Variants in GJA5 observed in about 807,000 individuals in gnomAD.
GJA5 encodes the protein gap junction alpha-5 protein.
GJA5 carries 3 observed loss-of-function variants against 7.9 expected under a neutral mutation model. The observed-to-expected ratio is 0.38, with a 90% CI of 0.17 to 0.99. The LOEUF (loss-of-function observed/expected upper bound fraction) is 0.99, where lower values mean the gene tolerates loss of function less well. Ranked by LOEUF, GJA5 falls within the 50% of genes least tolerant of loss-of-function variation. The pLI, the probability that GJA5 is intolerant of heterozygous loss-of-function variation, is 0.38. For synonymous variants in GJA5, 193 were observed against 181.0 expected (o/e 1.07, Z -0.53); for missense variants, 390 against 457.9 (o/e 0.85, Z 1.35).
intron 1 of GJA5, among the ~76,000 whole-genome samples, chr1:147,760,220 G>A (rs1237529455): frequency 1.3e-5 from 2 of 152,084 alleles, no homozygotes; most frequent in Non-Finnish European, 2.9e-5. Flanking sequence ...CTTATGTCCA[G>A]AATAAATGTC....
At chr1:147,770,036 G>A (rs791291) in intron 1 of GJA5, among the ~76,000 whole-genome samples, 3,107 of 152,052 alleles carry the variant, frequency 0.02, 137 homozygotes, top group East Asian at 0.2. Context: ...CTACTTGGAA[G>A]AGAAAGAGGG....
chr1:147,758,450 T>C lies in GJA5; in HGVS notation c.789A>G (p.Pro263=), dbSNP rs1553226857. The change falls in exon 2 of 2, where the codon CCA becomes CCG. Residue 263 remains proline (P), a synonymous_variant. Transcript: ENST00000579774. ...CCAGGCACTGATTAAAGTCGGGGGG[T>C]GGTGTGCAGCTCTGGACTATGCCCA... The part of the protein sequence containing the change: ...PSVGIVQSCT[P]PPDFNQCLEN... 2 of 1,613,844 alleles carry C rather than the reference T, an allele frequency of 1.2e-6. No homozygotes were observed.
intron 1 of GJA5, among the ~76,000 whole-genome samples, chr1:147,771,230 G>A (rs1044888789): frequency 6.6e-6 from 1 of 152,210 alleles, no homozygotes; most frequent in African/African-American, 2.4e-5. Flanking sequence ...TGTAGACGAT[G>A]AAGAGCAGGT....
Position 147,767,037 on chromosome 1 carries a change from C to T in GJA5, c.-34+6215G>A, listed in dbSNP as rs191540021. ...TTATAAAGCAAAGCACCAAGCATAA[C>T]CTTTATGTCAGAAGTCTTTTGTACC... On this transcript the variant is annotated intron_variant, in intron 1 of 1. Transcript: ENST00000430508. Among the ~76,000 whole-genome samples, 381 of 152,276 alleles carry T rather than the reference C, an allele frequency of 2.5e-3. 3 individuals carry two copies. Among genetic ancestry groups the T allele is most frequent in the South Asian group, 0.02 (94 of 4,820 alleles).
In GJA5 at chr1:147,757,941, G is replaced by C. The variant is rs782464793; in HGVS notation, c.*221C>G. 3.1e-5 allele frequency: 18 copies of C among 588,744 alleles called. No individual in the cohort carries two copies. Among genetic ancestry groups the C allele is most frequent in the Non-Finnish European group, 5.1e-5 (17 of 331,022 alleles). 36.5% of individuals were successfully genotyped at this position (588,744 alleles called of 1,614,324 possible). ...TGAAAGGCTTCGTATACTGGGTAGA[G>C]GGTGGGGAGGGAACTGCAGTCTGGG... On this transcript the variant is annotated 3_prime_UTR_variant, in exon 2 of 2. Transcript: ENST00000579774.
intron 1 of GJA5, among the ~76,000 whole-genome samples, chr1:147,770,685 A>AC (rs1664363927): frequency 6.6e-6 from 1 of 152,056 alleles, no homozygotes; most frequent in African/African-American, 2.4e-5. Flanking sequence ...CTTCGGCCCT[A>AC]CCCCTCAATT....
chr1:147,772,778 T>G (rs1664458481), intron 1 of GJA5, among the ~76,000 whole-genome samples: 3 of 100,362 alleles, frequency 3.0e-5, no homozygotes, highest in South Asian at 4.0e-4. Flanking sequence ...CCATCCAACA[T>G]GCCTTAGGGA....
chr1:147,761,330 T>C (rs587723559), upstream of GJA5, among the ~76,000 whole-genome samples: 16 of 152,338 alleles, frequency 1.1e-4, no homozygotes, highest in Non-Finnish European at 1.5e-4. Context: ...TCCTGGTTTC[T>C]GTCTGAACAT....
chr1:147,771,867 G>A (rs998410783), intron 1 of GJA5, among the ~76,000 whole-genome samples: 6 of 152,192 alleles, frequency 3.9e-5, no homozygotes, highest in African/African-American at 1.4e-4. Flanking sequence ...CGGGCAACTT[G>A]GCAGGAAGGT....
rs201657244 is a variant in GJA5 at position 147,758,174 on chromosome 1, G to T, written c.1065C>A (p.Asp355Glu). 1 of 1,610,294 alleles carries T rather than the reference G, an allele frequency of 6.2e-7. No homozygotes were observed. The highest frequency in any genetic ancestry group is 1.3e-5 in the African/African-American group (1 of 74,826). The part of the protein sequence containing the change: ...SKASSKARSD[D>E]LSV ...CCATAAAGGAGGGTCACACTGATAG[G>T]TCATCTGACCTTGCCTTGCTGCTGG... Residue 355 changes from aspartate to glutamate, a missense_variant, in exon 2 of 2, where the codon GAC becomes GAA. Around this residue, in one of 2 missense-constraint regions of GJA5, gnomAD observed 354 missense variants for 370.9 expected, o/e 0.95. Transcript: ENST00000579774.
chr1:147,758,844 T>C lies in GJA5; in HGVS notation c.395A>G (p.Glu132Gly), dbSNP rs1553227011. 6.2e-7 allele frequency: 1 copy of C among 1,614,198 alleles called. No homozygotes were observed. Among genetic ancestry groups the C allele is most frequent in the South Asian group, 1.1e-5 (1 of 91,082 alleles). Residue 132 changes from glutamate (E) to glycine (G), a missense_variant, in exon 2 of 2, where the codon GAA becomes GGA. Glu to Gly is a moderately conservative substitution (Grantham distance 98). Transcript: ENST00000579774. Reference protein sequence around the residue: ...SYEYPVAEKAELSCWEEGNGR... With the variant: ...SYEYPVAEKAGLSCWEEGNGR... ...ATTCCCTTCCTCCCAGCAGGACAGT[T>C]CTGCCTTCTCTGCCACCGGGTACTC... is the stretch of plus-strand genomic sequence containing the variant.
intron 1 of GJA5, among the ~76,000 whole-genome samples, chr1:147,770,467 C>G (rs782013108): frequency 2.6e-5 from 4 of 152,088 alleles, no homozygotes; most frequent in Non-Finnish European, 5.9e-5. Context: ...AAAAAACCAG[C>G]AATACCTCCT....
At chr1:147,763,595 T>G (rs1276612968), upstream of GJA5, among the ~76,000 whole-genome samples, 1 of 152,192 alleles carries the variant, frequency 6.6e-6, no homozygotes, top group Admixed American at 6.5e-5. Context: ...TTCAACATCC[T>G]CTTTCAACTT....
At chr1:147,765,734 G>A (rs782190746) in intron 1 of GJA5, among the ~76,000 whole-genome samples, 7 of 152,152 alleles carry the variant, frequency 4.6e-5, no homozygotes, top group African/African-American at 1.2e-4. Flanking sequence ...CACATGATAG[G>A]CCATGCTTAG....
chr1:147,758,445 G>A lies in GJA5; in HGVS notation c.794C>T (p.Pro265Leu), dbSNP rs782304702. ...ATTCTCCAGGCACTGATTAAAGTCG[G>A]GGGGTGGTGTGCAGCTCTGGACTAT... ...VGIVQSCTPP[P>L]DFNQCLENGP... The change falls in exon 2 of 2, where the codon CCC (proline) becomes CTC (leucine). Residue 265 changes from proline (P) to leucine (L), a missense_variant. Around this residue, in one of 2 missense-constraint regions of GJA5, gnomAD observed 354 missense variants for 370.9 expected, o/e 0.95. Coordinates refer to ENST00000579774, the MANE Select transcript of GJA5 (RefSeq NM_181703.4). 2 of 1,614,182 alleles carry A rather than the reference G, an allele frequency of 1.2e-6. No individual in the cohort carries two copies. The highest frequency in any genetic ancestry group is 1.7e-6 in the Non-Finnish European group (2 of 1,180,020).
chr1:147,769,649 C>T (rs1664327756), intron 1 of GJA5, among the ~76,000 whole-genome samples: 1 of 152,088 alleles, frequency 6.6e-6, no homozygotes, highest in Non-Finnish European at 1.5e-5. Flanking sequence ...AGTGACACAG[C>T]AAGGACCCTC....
chr1:147,765,919 C>T (rs587763915), intron 1 of GJA5, among the ~76,000 whole-genome samples: 1 of 152,114 alleles, frequency 6.6e-6, no homozygotes, highest in Non-Finnish European at 1.5e-5. Context: ...GTGACTGCAC[C>T]CTCGTCTCTC....
At chr1:147,760,118 C>T (rs1553227226) in intron 1 of GJA5, among the ~76,000 whole-genome samples, 1 of 152,134 alleles carries the variant, frequency 6.6e-6, no homozygotes. Context: ...CTCGGTGCAA[C>T]ACAGCCATTC....
At chr1:147,761,297 T>A (rs185215191), upstream of GJA5, among the ~76,000 whole-genome samples, 8 of 152,312 alleles carry the variant, frequency 5.3e-5, no homozygotes, top group East Asian at 1.5e-3. Flanking sequence ...ACTTTGACCG[T>A]CATATCTTTG....
Sources: allele counts gnomAD v4.1 joint callset (sites outside exome capture counted in the v4.1 genomes callset), GRCh38; gene constraint gnomAD v4.1.1; regional missense constraint gnomAD v4.1.1; transcripts MANE v1.5; gene names NCBI Gene and HGNC (gene_info 2026-07-23, HGNC 2026-07-21).